TRDN: variants seen among roughly 807,000 people sequenced by gnomAD.
TRDN encodes the protein triadin in skeletal muscle.
In TRDN, 161 loss-of-function variants were observed where a neutral mutation model predicts 149.7. The ratio of observed to expected loss-of-function variants is 1.08; its 90% CI spans 0.95 to 1.23. The LOEUF (loss-of-function observed/expected upper bound fraction) is 1.23, where lower values mean the gene tolerates loss of function less well. Ranked by LOEUF, TRDN falls within the 50% of genes most tolerant of loss-of-function variation. The pLI, the probability that TRDN is intolerant of heterozygous loss-of-function variation, is 0.00. For synonymous variants in TRDN, 294 were observed against 250.5 expected (o/e 1.17, Z -1.64); for missense variants, 896 against 823.5 (o/e 1.09, Z -1.08).
intron 21 of TRDN, among the ~76,000 whole-genome samples, chr6:123,338,413 C>G (rs1217463821): frequency 1.3e-5 from 2 of 152,132 alleles, no homozygotes; most frequent in African/African-American, 4.8e-5. Context: ...AAAGGTCATG[C>G]AGTATTCACC....
intron 38 of TRDN, among the ~76,000 whole-genome samples, chr6:123,229,200 C>T (rs1050813724): frequency 3.3e-5 from 5 of 151,936 alleles, no homozygotes; most frequent in South Asian, 2.1e-4. Context: ...AAAAAATGGG[C>T]CATCTTGTCT....
intron 9 of TRDN, among the ~76,000 whole-genome samples, chr6:123,481,392 A>G (rs1182036338): frequency 6.6e-6 from 1 of 150,940 alleles, no homozygotes. Flanking sequence ...AAATTATAGT[A>G]CTTAGGAAAC....
intron 14 of TRDN, among the ~76,000 whole-genome samples, chr6:123,385,091 G>T (rs948567952): frequency 3.4e-4 from 52 of 152,262 alleles, no homozygotes; most frequent in African/African-American, 1.2e-3. Flanking sequence ...CTGTAGCAGT[G>T]TCTCAAGTAA....
intron 24 of TRDN, among the ~76,000 whole-genome samples, chr6:123,285,890 A>G (rs1427727037): frequency 1.3e-5 from 2 of 152,166 alleles, no homozygotes; most frequent in African/African-American, 4.8e-5. Context: ...TCTCAAAAGA[A>G]GATACATAAA....
intron 23 of TRDN, among the ~76,000 whole-genome samples, chr6:123,326,093 T>C (rs1397149691): frequency 6.6e-6 from 1 of 152,098 alleles, no homozygotes; most frequent in Non-Finnish European, 1.5e-5. Flanking sequence ...AGAAGAAGGT[T>C]TAGGGTTCCT....
intron 12 of TRDN, among the ~76,000 whole-genome samples, chr6:123,395,395 T>G (rs61550604): frequency 0.018 from 2,714 of 152,228 alleles, 73 homozygotes; most frequent in African/African-American, 0.062. Flanking sequence ...GCGGTCAGGT[T>G]CAGAAACATG....
chr6:123,519,573 T>C (rs533717803), intron 5 of TRDN, among the ~76,000 whole-genome samples: 385 of 151,814 alleles, frequency 2.5e-3, no homozygotes, highest in Non-Finnish European at 4.7e-3. Flanking sequence ...TGTTCTTAGG[T>C]TGAAAATCAA....
At chr6:123,440,838 A>T (rs1328060030) in intron 10 of TRDN, 2 of 152,196 alleles carry the variant, frequency 1.3e-5, no homozygotes, top group East Asian at 3.9e-4. Context: ...CTTGTGCAAC[A>T]AATTCTACCC....
At chr6:123,625,371 G>C (rs1415749824) in intron 1 of TRDN, among the ~76,000 whole-genome samples, 2 of 151,948 alleles carry the variant, frequency 1.3e-5, no homozygotes, top group East Asian at 1.9e-4. Flanking sequence ...CTGTATCCTA[G>C]TGTATATAAA....
rs148128260 is a variant in TRDN, at chr6:123,239,420, T to C, written c.1975+12992A>G. Among the ~76,000 whole-genome samples the C allele has an allele frequency of 6.0e-3, 908 of 152,250 alleles. 6 individuals are homozygous for C. Among genetic ancestry groups the C allele is most frequent in the African/African-American group, 0.021 (874 of 41,562 alleles). On this transcript the variant is annotated intron_variant, in intron 38 of 40. Coordinates refer to ENST00000334268, the MANE Select transcript of TRDN (RefSeq NM_006073.4). ...ACAATTAAGCTTGATTTAACGGCTA[T>C]AGAATTGTGCTTTCAACCATTAGCA...
chr6:123,463,199 T>TGC (rs1776564788), intron 10 of TRDN: 1 of 151,598 alleles, frequency 6.6e-6, no homozygotes, highest in Non-Finnish European at 1.5e-5. Context: ...TAGCCAGGCA[T>TGC]GGTGGCGGGC....
At chr6:123,238,557 A>G (rs1251369682) in intron 38 of TRDN, among the ~76,000 whole-genome samples, 1 of 152,174 alleles carries the variant, frequency 6.6e-6, no homozygotes, top group Non-Finnish European at 1.5e-5. Flanking sequence ...GAGCATGAGA[A>G]AGAGAAAGCA....
intron 7 of TRDN, among the ~76,000 whole-genome samples, chr6:123,508,367 GTATT>G (rs1455670171): frequency 6.6e-6 from 1 of 152,092 alleles, no homozygotes; most frequent in Non-Finnish European, 1.5e-5. Flanking sequence ...TACAAAAACT[GTATT>G]TTAAGACATA....
At chr6:123,357,384 T>C (rs1480708879) in intron 20 of TRDN, among the ~76,000 whole-genome samples, 2 of 152,052 alleles carry the variant, frequency 1.3e-5, no homozygotes, top group Non-Finnish European at 2.9e-5. Context: ...CAATGATATA[T>C]GAGGAAAGAC....
chr6:123,394,348 CA>C (rs780908423), intron 12 of TRDN, among the ~76,000 whole-genome samples: 14 of 151,690 alleles, frequency 9.2e-5, no homozygotes, highest in Non-Finnish European at 1.9e-4. Flanking sequence ...TATACTTAAT[CA>C]GAATGGGAAA....
At chr6:123,522,510 G>A (rs997411137) in intron 5 of TRDN, among the ~76,000 whole-genome samples, 5 of 140,454 alleles carry the variant, frequency 3.6e-5, no homozygotes, top group East Asian at 2.2e-4. Context: ...GTGGGGGTGC[G>A]GTTCCTCTTT....
chr6:123,500,309 A>T (rs1013585614), intron 8 of TRDN, among the ~76,000 whole-genome samples: 1 of 152,142 alleles, frequency 6.6e-6, no homozygotes, highest in African/African-American at 2.4e-5. Flanking sequence ...TTAAGTTAGG[A>T]TGCCCATTTC....
chr6:123,425,232 G>A (rs1185963205), intron 12 of TRDN, among the ~76,000 whole-genome samples: 1 of 138,720 alleles, frequency 7.2e-6, no homozygotes, highest in Non-Finnish European at 1.6e-5. Context: ...CAGAGGTAGA[G>A]GTGTGTGTGT....
At chr6:123,626,954 GT>G in intron 1 of TRDN, among the ~76,000 whole-genome samples, 1 of 151,356 alleles carries the variant, frequency 6.6e-6, no homozygotes, top group East Asian at 1.9e-4. Flanking sequence ...TTGAGACAGA[GT>G]TTTGCTCTTG....
Sources: allele counts gnomAD v4.1 joint callset (sites outside exome capture counted in the v4.1 genomes callset), GRCh38; gene constraint gnomAD v4.1.1; transcripts MANE v1.5; gene names NCBI Gene and HGNC (gene_info 2026-07-23, HGNC 2026-07-21).